Variants in TBC1D16 observed in about 807,000 individuals in gnomAD.
The protein encoded by TBC1D16 is CTD-2529O21.1.
A neutral mutation model predicts 74.7 loss-of-function variants in TBC1D16; 58 were observed. The observed-to-expected ratio is 0.78, with a 90% CI of 0.63 to 0.97. TBC1D16 has a LOEUF of 0.97. Ranked by LOEUF, TBC1D16 falls within the 50% of genes least tolerant of loss-of-function variation. The pLI is 0.00. For missense variants in TBC1D16, 1,014 were observed against 1,079.5 expected (o/e 0.94, Z 0.85); for synonymous variants, 493 against 474.7 (o/e 1.04, Z -0.50).
Position 80,018,437 on chromosome 17 carries a change from A to G in TBC1D16, c.-62-4828T>C, listed in dbSNP as rs2144727853. ...GCTGGGACTACAGGCGCCCGCCACC[A>G]TGCCCGGCTAATTTTTTTGTATTTT... On this transcript the variant is annotated intron_variant, in intron 1 of 11. Transcript: ENST00000310924. Among the ~76,000 whole-genome samples the G allele has an allele frequency of 2.0e-5, 3 of 149,156 alleles. No individual in the cohort carries two copies. In the South Asian group the frequency reaches 6.4e-4, roughly 32 times the overall value.
intron 3 of TBC1D16, among the ~76,000 whole-genome samples, chr17:79,984,066 TG>T (rs1255073401): frequency 4.5e-4 from 1 of 2,202 alleles, no homozygotes; most frequent in Non-Finnish European, 7.4e-4. Context: ...GATGGCGGGG[TG>T]GGGGGGCGGG....
Position 80,013,481 on chromosome 17 carries a change from C to CG in TBC1D16, c.66dup (p.Gly23ArgfsTer49). On this transcript the variant is annotated frameshift_variant, in exon 2 of 12. Transcript: ENST00000310924. LOFTEE classifies it high-confidence loss of function. Reference sequence around the variant, plus strand: ...GAGGGGGACCCGCTGCCGCTGCCACCGGGGGTGAGGGTCAGGAGGTCCGAG... The same window carrying CG: ...GAGGGGGACCCGCTGCCGCTGCCACCGGGGGGTGAGGGTCAGGAGGTCCGAG... The CG allele has an allele frequency of 6.3e-7, 1 of 1,591,420 alleles. No homozygotes were observed. Among genetic ancestry groups the CG allele is most frequent in the Non-Finnish European group, 8.5e-7 (1 of 1,169,856 alleles).
intron 8 of TBC1D16, 26 bp from the exon 9 acceptor site, chr17:79,947,857 G>A (rs372731835): frequency 1.2e-6 from 2 of 1,603,176 alleles, no homozygotes; most frequent in Non-Finnish European, 1.7e-6. Context: ...GACAGCAGTG[G>A]GTGGGGATGA....
rs925346973 is a variant in TBC1D16, at chr17:80,008,197, G to A, written c.779+1963C>T. On this transcript the variant is annotated intron_variant, in intron 3 of 11. Transcript: ENST00000310924. This position sits in a 1 kb window ranked among gnomAD's most constrained non-coding sequence, Gnocchi z 4.5. ...TTGAAGAACCAGCAAGGCGAAGGGCGGGGAAAAGCGAACCGGGGTGCATTC... is the reference window on the plus strand; with the variant it reads ...TTGAAGAACCAGCAAGGCGAAGGGCAGGGAAAAGCGAACCGGGGTGCATTC... Among the ~76,000 whole-genome samples the A allele has an allele frequency of 2.6e-5, 4 of 152,154 alleles. No individual in the cohort carries two copies. The East Asian group carries it at 5.8e-4, about 22-fold the overall frequency.
In TBC1D16 at chr17:79,954,906, A is replaced by G. The variant is rs938567105; in HGVS notation, c.780-2088T>C. Reference sequence around the variant, plus strand: ...GCCCACTCACCCTACAGGGCAGGCCAAGGTTTCCAGAAACCAGACAGAACA... The same window carrying G: ...GCCCACTCACCCTACAGGGCAGGCCGAGGTTTCCAGAAACCAGACAGAACA... On this transcript the variant is annotated intron_variant, in intron 3 of 11. Coordinates refer to ENST00000310924, the MANE Select transcript of TBC1D16 (RefSeq NM_019020.4). The surrounding 1 kb of genome is among the most constrained non-coding windows in gnomAD (Gnocchi z 5.5). Among the ~76,000 whole-genome samples the G allele has an allele frequency of 6.6e-6, 1 of 152,164 alleles. No individual in the cohort carries two copies. Among genetic ancestry groups the G allele is most frequent in the Admixed American group, 6.5e-5 (1 of 15,280 alleles).
chr17:79,945,547 G>A (rs974765317), intron 9 of TBC1D16, among the ~76,000 whole-genome samples: 10 of 152,178 alleles, frequency 6.6e-5, no homozygotes, highest in African/African-American at 2.2e-4. Flanking sequence ...GGAAGGGGAC[G>A]TATCTGAGCC....
chr17:79,952,693 T>C lies in TBC1D16; in HGVS notation c.905A>G (p.Asp302Gly). The change falls in exon 4 of 12, where the codon GAC becomes GGC. Residue 302 changes from aspartate (D) to glycine (G), a missense_variant. Physicochemically the swap from Asp to Gly is moderately conservative, Grantham distance 94. Transcript: ENST00000310924. Reference protein sequence around the residue: ...LEQICGVFRVDLGHMRSLRLF... With the variant: ...LEQICGVFRVGLGHMRSLRLF... The stretch of plus-strand genomic sequence containing the variant: ...GCGGAGGGAGCGCATGTGGCCCAGG[T>C]CCACGCGGAACACGCCGCAAATCTG... 6.2e-7 allele frequency: 1 copy of C among 1,607,752 alleles called. No individual in the cohort carries two copies. Among genetic ancestry groups the C allele is most frequent in the Non-Finnish European group, 8.5e-7 (1 of 1,175,592 alleles).
At position 80,013,379 on chromosome 17, in the gene TBC1D16, C is replaced by G. The variant is rs781628542; in HGVS notation, c.169G>C (p.Glu57Gln). 1.2e-6 allele frequency: 2 copies of G among 1,605,502 alleles called. No homozygotes were observed. The highest frequency in any genetic ancestry group is 1.7e-6 in the Non-Finnish European group (2 of 1,176,530). The change falls in exon 2 of 12, where the codon GAG becomes CAG. Residue 57 changes from glutamate to glutamine, a missense_variant. Coordinates refer to ENST00000310924, the MANE Select transcript of TBC1D16 (RefSeq NM_019020.4). ...TGCCCTGGCTCACCTGGGTGGTGCT[C>G]CCCCAGCCCCTGCAGCCCCTCCGGC... ...HPPEGLQGLG[E>Q]HHPGYLCLYM...
At chr17:80,012,979 A>C (rs1598426802) in intron 2 of TBC1D16, among the ~76,000 whole-genome samples, 1 of 152,114 alleles carries the variant, frequency 6.6e-6, no homozygotes, top group Admixed American at 6.5e-5. Flanking sequence ...CAGCGTCCTT[A>C]CCCACCTAAG....
chr17:79,983,555 G>A lies in TBC1D16; in HGVS notation c.779+26605C>T, dbSNP rs938701259. Reference sequence around the variant, plus strand: ...CTCAGGCACGGGGAGCTGAGCCACCGACGGCTACAAAGACGGGGACGCTTT... The same window carrying A: ...CTCAGGCACGGGGAGCTGAGCCACCAACGGCTACAAAGACGGGGACGCTTT... On this transcript the variant is annotated intron_variant, in intron 3 of 11. Coordinates refer to ENST00000310924, the MANE Select transcript of TBC1D16 (RefSeq NM_019020.4). This position sits in a 1 kb window ranked among gnomAD's most constrained non-coding sequence, Gnocchi z 5.6. Among the ~76,000 whole-genome samples, 5 of 152,224 alleles carry A rather than the reference G, an allele frequency of 3.3e-5. No homozygotes were observed. Among genetic ancestry groups the A allele is most frequent in the African/African-American group, 9.6e-5 (4 of 41,456 alleles).
intron 3 of TBC1D16, among the ~76,000 whole-genome samples, chr17:79,967,317 A>G (rs970204198): frequency 1.3e-5 from 2 of 152,188 alleles, no homozygotes; most frequent in African/African-American, 4.8e-5. Context: ...TTGGAAAAAA[A>G]GGAGTAAAAC....
intron 3 of TBC1D16, among the ~76,000 whole-genome samples, chr17:80,003,963 C>T (rs910972663): frequency 1.3e-5 from 2 of 152,188 alleles, no homozygotes; most frequent in Non-Finnish European, 2.9e-5. Context: ...GTGGGAGGAT[C>T]GCTCGAGCCC....
rs565651396 is a variant in TBC1D16 at position 79,943,107 on chromosome 17, C to G, written c.1909-901G>C. ...ACCAGACGGAACGGTGTCCCCGGCC[C>G]AGGCTGAGCGGAGCACACCATGAGG... On this transcript the variant is annotated intron_variant, in intron 10 of 11. Transcript: ENST00000310924. Among the ~76,000 whole-genome samples the G allele has an allele frequency of 2.0e-5, 3 of 152,352 alleles. No individual in the cohort carries two copies. The South Asian group carries it at 6.2e-4, about 32-fold the overall frequency.
rs930052893 is a variant in TBC1D16 at position 79,971,084 on chromosome 17, G to T, written c.780-18266C>A. Among the ~76,000 whole-genome samples, 5 of 151,350 alleles carry T rather than the reference G, an allele frequency of 3.3e-5. No individual in the cohort carries two copies. Among genetic ancestry groups the T allele is most frequent in the Non-Finnish European group, 7.4e-5 (5 of 67,940 alleles). ...ATTGCCCAGGCTGGAGTGCAGTGGC[G>T]CTATCTCGGCTCACTGCAACCTCCA... is the stretch of plus-strand genomic sequence containing the variant. On this transcript the variant is annotated intron_variant, in intron 3 of 11. Transcript: ENST00000310924. The surrounding 1 kb of genome is among the most constrained non-coding windows in gnomAD (Gnocchi z 4.6).
chr17:80,016,120 G>A (rs904599599), intron 1 of TBC1D16, among the ~76,000 whole-genome samples: 10 of 152,166 alleles, frequency 6.6e-5, no homozygotes, highest in Middle Eastern at 3.4e-3. Context: ...GCTACAGCAT[G>A]GATGAACCCC....
At chr17:79,947,884 C>A in intron 8 of TBC1D16, 53 bp from the exon 9 acceptor site, 3 of 1,492,706 alleles carry the variant, frequency 2.0e-6, no homozygotes, top group Non-Finnish European at 1.8e-6. Flanking sequence ...CCGCGGCACA[C>A]TGCCCAGCCT....
At position 79,983,977 on chromosome 17, in the gene TBC1D16, C is replaced by G. The variant is rs1459998027; in HGVS notation, c.779+26183G>C. Reference sequence around the variant, plus strand: ...GATCTCCCAGGCTTAAGGGATCCTCCCTCCTCAGCCTCCCTGAGTAGCTGG... The same window carrying G: ...GATCTCCCAGGCTTAAGGGATCCTCGCTCCTCAGCCTCCCTGAGTAGCTGG... On this transcript the variant is annotated intron_variant, in intron 3 of 11. Transcript: ENST00000310924. The surrounding 1 kb of genome is among the most constrained non-coding windows in gnomAD (Gnocchi z 5.6). Among the ~76,000 whole-genome samples, 1 of 151,810 alleles carries G rather than the reference C, an allele frequency of 6.6e-6. No homozygotes were observed. The highest frequency in any genetic ancestry group is 6.6e-5 in the Admixed American group (1 of 15,226).
chr17:79,933,679 T>G lies in TBC1D16; in HGVS notation c.*7180A>C, dbSNP rs2031400789. ...GGGCAGCCAAAGGCCACGCAGAAAT[T>G]GGGGGTTCAAGGTTTGCCCAGCCGG... is the stretch of plus-strand genomic sequence containing the variant. On this transcript the variant is annotated 3_prime_UTR_variant, in exon 12 of 12. Coordinates refer to ENST00000310924, the MANE Select transcript of TBC1D16 (RefSeq NM_019020.4). 6.6e-6 allele frequency: 1 copy of G among 151,980 alleles called. No individual in the cohort carries two copies. Among genetic ancestry groups the G allele is most frequent in the South Asian group, 2.1e-4 (1 of 4,826 alleles). 9.4% of individuals were successfully genotyped at this position (151,980 alleles called of 1,614,324 possible).
chr17:79,947,553 G>T, intron 9 of TBC1D16, 92 bp downstream of exon 9: 1 of 1,427,442 alleles, frequency 7.0e-7, no homozygotes, highest in Non-Finnish European at 9.7e-7. Flanking sequence ...CAGCAGCCAA[G>T]CCACGCATCA....
Sources: allele counts gnomAD v4.1 joint callset (sites outside exome capture counted in the v4.1 genomes callset), GRCh38; gene constraint gnomAD v4.1.1; non-coding constraint Gnocchi (gnomAD v3.1); transcripts MANE v1.5; gene names NCBI Gene and HGNC (gene_info 2026-07-23, HGNC 2026-07-21).